Variants in NELL1 observed in about 807,000 individuals in gnomAD.
NELL1 encodes protein kinase C-binding protein NELL1.
In NELL1, 76 loss-of-function variants were observed where a neutral mutation model predicts 107.4. The ratio of observed to expected loss-of-function variants is 0.71; its 90% CI spans 0.59 to 0.86. The LOEUF (loss-of-function observed/expected upper bound fraction) is 0.86, where lower values mean the gene tolerates loss of function less well. NELL1 is among the 40% of genes least tolerant of loss of function. The pLI, the probability that NELL1 is intolerant of heterozygous loss-of-function variation, is 0.00. For missense variants in NELL1, 1,024 were observed against 1,005.5 expected, an observed-to-expected ratio of 1.02 and a Z score of -0.25; for synonymous variants, 353 against 341.2, an observed-to-expected ratio of 1.03 and a Z score of -0.38.
chr11:21,468,779 G>A (rs1424122486), intron 15 of NELL1, among the ~76,000 whole-genome samples: 1 of 152,010 alleles, frequency 6.6e-6, no homozygotes, highest in Non-Finnish European at 1.5e-5. Flanking sequence ...GTAAGATAAA[G>A]GAGGCATATG....
intron 13 of NELL1, among the ~76,000 whole-genome samples, chr11:21,227,149 T>G (rs1857915059): frequency 6.6e-6 from 1 of 152,278 alleles, no homozygotes; most frequent in Non-Finnish European, 1.5e-5. Flanking sequence ...TTATTTAAAA[T>G]ATTACCTTTT....
chr11:21,171,090 CGGCT>C (rs375778298), intron 13 of NELL1, among the ~76,000 whole-genome samples: 6 of 151,890 alleles, frequency 4.0e-5, no homozygotes, highest in African/African-American at 1.5e-4. Flanking sequence ...CTTTGCCTTA[CGGCT>C]GTCCTCTAGA....
At chr11:20,819,349 A>G (rs1039818117) in intron 3 of NELL1, among the ~76,000 whole-genome samples, 2 of 152,138 alleles carry the variant, frequency 1.3e-5, no homozygotes, top group Admixed American at 6.6e-5. Flanking sequence ...GTTTAACCCA[A>G]TTACAGTGTT....
chr11:20,944,404 C>A (rs577141396), intron 10 of NELL1, among the ~76,000 whole-genome samples: 4 of 152,254 alleles, frequency 2.6e-5, no homozygotes, highest in African/African-American at 4.8e-5. Flanking sequence ...TGCTTTTCTG[C>A]AGAATTTCTT....
intron 14 of NELL1, among the ~76,000 whole-genome samples, chr11:21,261,148 G>A (rs968714908): frequency 6.6e-6 from 1 of 151,254 alleles, no homozygotes; most frequent in Non-Finnish European, 1.5e-5. Context: ...TCATAATTTT[G>A]GGCCAGTATA....
chr11:20,950,845 C>T (rs774140548), intron 11 of NELL1, among the ~76,000 whole-genome samples: 1 of 152,178 alleles, frequency 6.6e-6, no homozygotes, highest in Non-Finnish European at 1.5e-5. Flanking sequence ...CTGCTTCTGC[C>T]ACCCTGATGT....
intron 14 of NELL1, among the ~76,000 whole-genome samples, chr11:21,313,382 G>A (rs1441554883): frequency 6.6e-6 from 1 of 152,092 alleles, no homozygotes; most frequent in Non-Finnish European, 1.5e-5. Context: ...GATCTTTTAG[G>A]CTTGAGAATC....
intron 11 of NELL1, among the ~76,000 whole-genome samples, chr11:20,958,212 G>C (rs901243308): frequency 1.3e-5 from 2 of 152,096 alleles, no homozygotes; most frequent in African/African-American, 4.8e-5. Context: ...GAGCCTAGGA[G>C]TTTGAGACAA....
intron 16 of NELL1, among the ~76,000 whole-genome samples, chr11:21,536,873 T>C (rs1856152554): frequency 6.6e-6 from 1 of 152,174 alleles, no homozygotes; most frequent in Non-Finnish European, 1.5e-5. Context: ...CATAAATGTC[T>C]CTGGCACCTG....
At chr11:20,977,792 G>A (rs796946607) in intron 12 of NELL1, among the ~76,000 whole-genome samples, 9 of 152,146 alleles carry the variant, frequency 5.9e-5, no homozygotes, top group African/African-American at 1.9e-4. Flanking sequence ...GAGTGCATAA[G>A]TGAATAAATA....
At chr11:21,000,032 T>C (rs975040063) in intron 12 of NELL1, among the ~76,000 whole-genome samples, 1 of 152,078 alleles carries the variant, frequency 6.6e-6, no homozygotes, top group African/African-American at 2.4e-5. Context: ...TAGATGATGT[T>C]CCTCAGATCC....
intron 12 of NELL1, among the ~76,000 whole-genome samples, chr11:21,007,789 C>T (rs111514036): frequency 3.9e-5 from 6 of 152,208 alleles, no homozygotes; most frequent in African/African-American, 1.4e-4. Context: ...TAGATGCCCA[C>T]TTACAAAAAA....
intron 13 of NELL1, among the ~76,000 whole-genome samples, chr11:21,159,550 A>G (rs1009532629): frequency 2.6e-5 from 4 of 152,212 alleles, no homozygotes; most frequent in African/African-American, 9.6e-5. Context: ...TGTCTATTGC[A>G]GCGGATAATG....
At chr11:21,459,463 G>A (rs540295953) in intron 15 of NELL1, among the ~76,000 whole-genome samples, 2 of 151,768 alleles carry the variant, frequency 1.3e-5, no homozygotes, top group African/African-American at 4.8e-5. Context: ...TTTATAGGGA[G>A]GTGAAGTAAA....
chr11:21,255,623 G>A (rs1344497044), intron 14 of NELL1, among the ~76,000 whole-genome samples: 1 of 152,046 alleles, frequency 6.6e-6, no homozygotes, highest in Non-Finnish European at 1.5e-5. Flanking sequence ...ATCAGCCTGT[G>A]TCTCCTCTTC....
intron 14 of NELL1, among the ~76,000 whole-genome samples, chr11:21,235,896 T>G (rs1858193813): frequency 6.6e-6 from 1 of 152,174 alleles, no homozygotes; most frequent in Admixed American, 6.6e-5. Flanking sequence ...TCTATTTTCT[T>G]TTGAATGAAG....
chr11:21,433,575 C>A (rs1853025069), intron 15 of NELL1, among the ~76,000 whole-genome samples: 1 of 152,198 alleles, frequency 6.6e-6, no homozygotes, highest in Non-Finnish European at 1.5e-5. Flanking sequence ...GCCATTCTAA[C>A]TGGGGTATGA....
intron 14 of NELL1, among the ~76,000 whole-genome samples, chr11:21,301,195 C>T (rs1849484394): frequency 6.6e-6 from 1 of 152,144 alleles, no homozygotes; most frequent in South Asian, 2.1e-4. Context: ...AATAGTGCCA[C>T]AATAAACATA....
At chr11:21,134,082 C>T (rs1855687606) in intron 13 of NELL1, among the ~76,000 whole-genome samples, 2 of 152,226 alleles carry the variant, frequency 1.3e-5, no homozygotes, top group Non-Finnish European at 2.9e-5. Flanking sequence ...CAAGTCTCCG[C>T]TTTGATATGG....
Sources: gnomAD v4.1 joint callset for allele counts (sites outside exome capture counted in the v4.1 genomes callset) on GRCh38, gnomAD v4.1.1 for gene constraint, MANE v1.5 for transcripts, NCBI Gene and HGNC (gene_info 2026-07-23, HGNC 2026-07-21) for gene names.